The following MS4A5 variants were observed in gnomAD, a reference collection of about 807,000 sequenced individuals.
MS4A5 encodes the protein membrane spanning 4-domains A5, also known as membrane-spanning 4-domains subfamily A member 5.
In MS4A5, 15 loss-of-function variants were observed where a neutral mutation model predicts 18.2. The observed-to-expected ratio is 0.83, with a 90% CI of 0.55 to 1.27. The LOEUF is 1.27. MS4A5 is among the 50% of genes most tolerant of loss of function. MS4A5 has a pLI of 0.00. For synonymous variants in MS4A5, 89 were observed against 78.7 expected (o/e 1.13, Z -0.69); for missense variants, 232 against 225.7 (o/e 1.03, Z -0.18).
intron 4 of MS4A5, among the ~76,000 whole-genome samples, chr11:60,437,482 T>G (rs2086086730): frequency 6.6e-6 from 1 of 152,126 alleles, no homozygotes; most frequent in Non-Finnish European, 1.5e-5. Context: ...ACTGGCAAAT[T>G]GGATAAAGAG....
intron 4 of MS4A5, among the ~76,000 whole-genome samples, chr11:60,434,998 A>G (rs1484035577): frequency 6.6e-6 from 1 of 152,246 alleles, no homozygotes; most frequent in East Asian, 1.9e-4. Context: ...AAGTCGCTGA[A>G]CAAAGTTTAA....
At position 60,429,766 on chromosome 11, in the gene MS4A5, C is replaced by T. The variant is rs370220537; in HGVS notation, c.92C>T (p.Thr31Met). 2.6e-5 allele frequency: 42 copies of T among 1,613,918 alleles called. 1 individual carries two copies. In the South Asian group the frequency reaches 2.7e-4, roughly 11 times the overall value. The change falls in exon 1 of 5, where the codon ACG becomes ATG. Residue 31 changes from threonine to methionine, a missense_variant. Transcript: ENST00000300190. ...TATGAGTCCACAGAACTTTCAGCCA[C>T]GACCTTTTCAACTCAAAGCCCCTTG... ...SEYESTELSA[T>M]TFSTQSPLQK...
intron 4 of MS4A5, chr11:60,435,445 G>A: frequency 2.3e-6 from 1 of 434,354 alleles, no homozygotes; most frequent in Non-Finnish European, 4.5e-6. Context: ...GGCCAAATAG[G>A]AACAGCTCCG....
chr11:60,443,950 C>T (rs938181317), intron 4 of MS4A5, among the ~76,000 whole-genome samples: 4 of 152,084 alleles, frequency 2.6e-5, no homozygotes, highest in Non-Finnish European at 5.9e-5. Flanking sequence ...TCTGATTGGG[C>T]TTATATCTAA....
At chr11:60,438,779 T>C (rs1036625029) in intron 4 of MS4A5, among the ~76,000 whole-genome samples, 9 of 146,558 alleles carry the variant, frequency 6.1e-5, no homozygotes, top group Middle Eastern at 3.4e-3. Flanking sequence ...GTGGCAATAA[T>C]CAATAGCTTA....
At chr11:60,431,007 C>T (rs1169255165) in intron 2 of MS4A5, 83 bp downstream of exon 2, 6 of 1,482,776 alleles carry the variant, frequency 4.0e-6, no homozygotes, top group African/African-American at 2.8e-5. Context: ...AAGCTAGATC[C>T]AGTTGTATGA....
At chr11:60,434,797 A>ATT (rs2086069717) in intron 4 of MS4A5, among the ~76,000 whole-genome samples, 1 of 152,210 alleles carries the variant, frequency 6.6e-6, no homozygotes, top group Non-Finnish European at 1.5e-5. Context: ...CCCATTTGCC[A>ATT]GTGATGCTTA....
At chr11:60,447,357 ATGCTATGCT>A (rs1184084330) in intron 4 of MS4A5, among the ~76,000 whole-genome samples, 6 of 150,198 alleles carry the variant, frequency 4.0e-5, no homozygotes, top group Non-Finnish European at 5.9e-5. Context: ...ATGCTATGCT[ATGCTATGCT>A]ATGCAATGCA....
At chr11:60,444,754 A>T (rs2086130588) in intron 4 of MS4A5, among the ~76,000 whole-genome samples, 1 of 152,184 alleles carries the variant, frequency 6.6e-6, no homozygotes, top group Admixed American at 6.5e-5. Flanking sequence ...TAAAAGGACC[A>T]CCAATACCGG....
At chr11:60,440,617 G>T (rs2086106236) in intron 4 of MS4A5, among the ~76,000 whole-genome samples, 1 of 150,224 alleles carries the variant, frequency 6.7e-6, no homozygotes, top group Admixed American at 6.7e-5. Flanking sequence ...GTGGGTGAAG[G>T]ACATGAACAG....
At chr11:60,429,915 G>A (rs1243353201) in intron 1 of MS4A5, 88 bp downstream of exon 1, 4 of 1,260,398 alleles carry the variant, frequency 3.2e-6, no homozygotes, top group African/African-American at 3.0e-5. Context: ...GAAGGTAGGA[G>A]CCTATTCCAA....
At chr11:60,438,543 A>G (rs914397022) in intron 4 of MS4A5, among the ~76,000 whole-genome samples, 1 of 152,106 alleles carries the variant, frequency 6.6e-6, no homozygotes, top group African/African-American at 2.4e-5. Context: ...TAATAAAGAA[A>G]AAAAGAGAGA....
In MS4A5 at chr11:60,434,066, C is replaced by T. The variant is rs916051966; in HGVS notation, c.492+149C>T. 3 of 725,084 alleles carry T rather than the reference C, an allele frequency of 4.1e-6. No individual in the cohort carries two copies. In the African/African-American group the frequency reaches 5.3e-5, roughly 13 times the overall value. The allele number at this position is 725,084 out of a possible 1,614,324, so 44.9% of individuals were successfully genotyped here. On this transcript the variant is annotated intron_variant, in intron 4 of 4. Coordinates refer to ENST00000300190, the MANE Select transcript of MS4A5 (RefSeq NM_023945.3). The stretch of plus-strand genomic sequence containing the variant: ...TATGAAATCCATAATATTTGATAGA[C>T]ATTACACCAGGCATTGTGGAAGAGA...
At chr11:60,429,855 T>G (rs2086039028) in intron 1 of MS4A5, 28 bp downstream of exon 1, 1 of 1,600,376 alleles carries the variant, frequency 6.2e-7, no homozygotes, top group African/African-American at 1.3e-5. Context: ...CTATGTATAT[T>G]TTACTGAGGC....
At chr11:60,445,519 C>G (rs1248821315) in intron 4 of MS4A5, among the ~76,000 whole-genome samples, 1 of 152,124 alleles carries the variant, frequency 6.6e-6, no homozygotes, top group Admixed American at 6.5e-5. Context: ...CTCGGCCTCC[C>G]AAAGTGCTAG....
rs903007022 is a variant in MS4A5 at position 60,438,225 on chromosome 11, T to C, written c.492+4308T>C. Among the ~76,000 whole-genome samples, 17 of 152,162 alleles carry C rather than the reference T, an allele frequency of 1.1e-4. No homozygotes were observed. The South Asian group carries it at 3.3e-3, about 30-fold the overall frequency. Reference sequence around the variant, plus strand: ...AAATAAAGATGTTCTTTGAAACCAATGAGAACAAAGACACAACATATCAGA... The same window carrying C: ...AAATAAAGATGTTCTTTGAAACCAACGAGAACAAAGACACAACATATCAGA... On this transcript the variant is annotated intron_variant, in intron 4 of 4. Transcript: ENST00000300190.
chr11:60,430,144 T>C (rs1198711606), intron 1 of MS4A5, among the ~76,000 whole-genome samples: 1 of 152,246 alleles, frequency 6.6e-6, no homozygotes, highest in African/African-American at 2.4e-5. Context: ...TCACACGTTT[T>C]TGTATATTGT....
intron 2 of MS4A5, 133 bp from the exon 3 acceptor site, chr11:60,432,278 C>A: frequency 2.1e-6 from 1 of 485,902 alleles, no homozygotes; most frequent in Non-Finnish European, 3.7e-6. Context: ...AAGCAACTCA[C>A]CCTTCTCACT....
intron 1 of MS4A5, 30 bp downstream of exon 1, chr11:60,429,857 T>C: frequency 6.3e-7 from 1 of 1,599,408 alleles, no homozygotes; most frequent in Non-Finnish European, 8.5e-7. Context: ...ATGTATATTT[T>C]ACTGAGGCAG....
Sources: gnomAD v4.1 joint callset for allele counts (sites outside exome capture counted in the v4.1 genomes callset) on GRCh38, gnomAD v4.1.1 for gene constraint, MANE v1.5 for transcripts, NCBI Gene and HGNC (gene_info 2026-07-23, HGNC 2026-07-21) for gene names.